The following MPZL1 variants were observed in gnomAD, a reference collection of about 807,000 sequenced individuals.
MPZL1 encodes the protein myelin protein zero like 1.
In MPZL1, 16 loss-of-function variants were observed where a neutral mutation model predicts 29.3. The observed-to-expected ratio is 0.55, with a 90% CI of 0.37 to 0.83. The LOEUF (loss-of-function observed/expected upper bound fraction) is 0.83. Ranked by LOEUF, MPZL1 falls within the 40% of genes least tolerant of loss-of-function variation. The pLI is 0.00. For missense variants in MPZL1, 279 were observed against 332.9 expected (o/e 0.84, Z 1.26); for synonymous variants, 143 against 132.0 (o/e 1.08, Z -0.57).
chr1:167,736,282 TTGTC>T (rs1305840701), intron 1 of MPZL1, among the ~76,000 whole-genome samples: 2 of 152,226 alleles, frequency 1.3e-5, no homozygotes, highest in Non-Finnish European at 2.9e-5. Context: ...TCGTCCATTT[TTGTC>T]TGTTTGTTGA....
chr1:167,737,462 A>G (rs975613274), intron 1 of MPZL1, among the ~76,000 whole-genome samples: 2 of 152,346 alleles, frequency 1.3e-5, no homozygotes, highest in Middle Eastern at 3.4e-3. Context: ...GTGGTGTTCA[A>G]TAAGATCGTA....
chr1:167,754,219 G>A (rs868607322), intron 1 of MPZL1, among the ~76,000 whole-genome samples: 9 of 151,688 alleles, frequency 5.9e-5, no homozygotes, highest in Non-Finnish European at 1.0e-4. Context: ...GGCTGGTCTT[G>A]AACTCCTGAG....
At chr1:167,779,684 A>G (rs1057182894) in intron 5 of MPZL1, among the ~76,000 whole-genome samples, 17 of 152,292 alleles carry the variant, frequency 1.1e-4, no homozygotes, top group African/African-American at 3.6e-4. Context: ...AGTACAAAGG[A>G]TGGGGTGGAA....
chr1:167,786,648 C>T (rs1174808794), intron 5 of MPZL1, among the ~76,000 whole-genome samples: 1 of 152,190 alleles, frequency 6.6e-6, no homozygotes, highest in African/African-American at 2.4e-5. Flanking sequence ...GGGCCTGTCC[C>T]TTCTGTAGAT....
chr1:167,747,772 T>G (rs1383630180), intron 1 of MPZL1, among the ~76,000 whole-genome samples: 1 of 151,954 alleles, frequency 6.6e-6, no homozygotes, highest in Non-Finnish European at 1.5e-5. Flanking sequence ...ATAATTCACA[T>G]ACTGTGGAAT....
intron 5 of MPZL1, among the ~76,000 whole-genome samples, chr1:167,786,062 G>A (rs1661587091): frequency 6.6e-6 from 1 of 152,158 alleles, no homozygotes; most frequent in Non-Finnish European, 1.5e-5. Context: ...CAAAGTGCTG[G>A]GATTACAGGC....
chr1:167,770,520 T>A (rs1239847488), intron 2 of MPZL1, among the ~76,000 whole-genome samples: 1 of 152,252 alleles, frequency 6.6e-6, no homozygotes, highest in Non-Finnish European at 1.5e-5. Flanking sequence ...GTATCTTGTG[T>A]TATCTGGGCT....
At chr1:167,758,423 A>T (rs75657595) in intron 1 of MPZL1, among the ~76,000 whole-genome samples, 233 of 152,296 alleles carry the variant, frequency 1.5e-3, no homozygotes, top group African/African-American at 5.5e-3. Context: ...AGTAATTCAG[A>T]ATATTGAAAT....
At chr1:167,749,255 T>C (rs1198910893) in intron 1 of MPZL1, among the ~76,000 whole-genome samples, 1 of 152,222 alleles carries the variant, frequency 6.6e-6, no homozygotes, top group African/African-American at 2.4e-5. Context: ...TAAAATTTTG[T>C]TGTACCATCT....
chr1:167,777,611 A>G (rs1227761250), intron 5 of MPZL1, among the ~76,000 whole-genome samples: 2 of 152,166 alleles, frequency 1.3e-5, no homozygotes, highest in Non-Finnish European at 2.9e-5. Context: ...AGCACTTCAG[A>G]GATTTGGAGC....
intron 5 of MPZL1, among the ~76,000 whole-genome samples, chr1:167,780,085 C>T (rs1447147734): frequency 2.0e-5 from 3 of 152,152 alleles, no homozygotes; most frequent in African/African-American, 4.8e-5. Flanking sequence ...GAAAAATTGA[C>T]GTATTTACAA....
chr1:167,753,725 G>A (rs1660806455), intron 1 of MPZL1, among the ~76,000 whole-genome samples: 1 of 151,946 alleles, frequency 6.6e-6, no homozygotes. Context: ...CGCCTCCCAG[G>A]TTTAAGCGAT....
At chr1:167,739,282 C>CATATATACATATACATATACATATAT (rs1387652331) in intron 1 of MPZL1, among the ~76,000 whole-genome samples, 2 of 90,418 alleles carry the variant, frequency 2.2e-5, no homozygotes, top group African/African-American at 1.3e-4. Context: ...TACATATATA[C>CATATATACATATACATATACATATAT]ATATATATAT....
At position 167,772,453 on chromosome 1, in the gene MPZL1, A is replaced by G. The variant is rs754317947; in HGVS notation, c.437A>G (p.Gln146Arg). Reference sequence around the variant, plus strand: ...AAAAACCCTCCTGACATCGTTGTCCAGCCTGGACACATTAGGCTCTATGTC... The same window carrying G: ...AAAAACCCTCCTGACATCGTTGTCCGGCCTGGACACATTAGGCTCTATGTC... ...DVKNPPDIVVQPGHIRLYVVE... is the reference protein window; with the variant it reads ...DVKNPPDIVVRPGHIRLYVVE... The change falls in exon 3 of 6, where the codon CAG becomes CGG. Residue 146 changes from glutamine (Q) to arginine (R), a missense_variant. Gln to Arg is a conservative substitution (Grantham distance 43). Coordinates refer to ENST00000359523, the MANE Select transcript of MPZL1 (RefSeq NM_003953.6). 6.2e-7 allele frequency: 1 copy of G among 1,614,198 alleles called. No homozygotes were observed. Among genetic ancestry groups the G allele is most frequent in the Non-Finnish European group, 8.5e-7 (1 of 1,180,000 alleles).
At position 167,773,549 on chromosome 1, in the gene MPZL1, A is replaced by G. The variant is rs895588905; in HGVS notation, c.605+181A>G. On this transcript the variant is annotated intron_variant, in intron 4 of 5. Coordinates refer to ENST00000359523, the MANE Select transcript of MPZL1 (RefSeq NM_003953.6). ...GCAAGTGGAAATCAGTGGGCCTGCT[A>G]TTAAATGTGGAATATGATTCTAATC... 1.9e-5 allele frequency: 12 copies of G among 622,928 alleles called. No individual in the cohort carries two copies. In the African/African-American group the frequency reaches 2.1e-4, roughly 11 times the overall value. 38.6% of individuals were successfully genotyped at this position (622,928 alleles called of 1,614,324 possible).
chr1:167,725,687 A>G (rs1001834681), intron 1 of MPZL1, among the ~76,000 whole-genome samples: 16 of 152,144 alleles, frequency 1.1e-4, no homozygotes, highest in Middle Eastern at 6.8e-3. Flanking sequence ...GGGTTTCACT[A>G]TGTTGGCCAG....
At position 167,739,286 on chromosome 1, in the gene MPZL1, T is replaced by TATATATATATATAC. The variant is rs1558110583; in HGVS notation, c.91+17057_91+17058insCATATATATATATA. Reference sequence around the variant, plus strand: ...ACATACATATATACATATATACATATATATATATATATATATATATATACA... The same window carrying TATATATATATATAC: ...ACATACATATATACATATATACATATATATATATATATACATATATATATATATATATATATACA... On this transcript the variant is annotated intron_variant, in intron 1 of 5. Coordinates refer to ENST00000359523, the MANE Select transcript of MPZL1 (RefSeq NM_003953.6). Among the ~76,000 whole-genome samples, 283 of 108,060 alleles carry TATATATATATATAC rather than the reference T, an allele frequency of 2.6e-3. 7 individuals are homozygous for TATATATATATATAC. Among genetic ancestry groups the TATATATATATATAC allele is most frequent in the African/African-American group, 0.015 (267 of 18,020 alleles). The allele number at this position is 108,060 out of a possible 152,430, so 70.9% of individuals were successfully genotyped here. A position where few individuals can be genotyped will look rare whatever the true frequency, so the allele number is the denominator to read the frequency against.
rs990762068 is a variant in MPZL1, at chr1:167,722,163, C to T, written c.12C>T (p.Ser4=). Residue 4 remains serine, a synonymous_variant, in exon 1 of 6, where the codon TCC becomes TCT. Transcript: ENST00000359523. ...GCAGTGGCTGGACGATGGCAGCGTC[C>T]GCCGGAGCCGGGGCGGTGATTGCAG... MAA[S]AGAGAVIAAP... 3 of 1,235,926 alleles carry T rather than the reference C, an allele frequency of 2.4e-6. No homozygotes were observed. The highest frequency in any genetic ancestry group is 3.1e-5 in the African/African-American group (2 of 64,288). 76.6% of individuals were successfully genotyped at this position (1,235,926 alleles called of 1,614,324 possible). A position where few individuals can be genotyped will look rare whatever the true frequency, so the allele number is the denominator to read the frequency against.
At chr1:167,729,455 A>G (rs561663758) in intron 1 of MPZL1, among the ~76,000 whole-genome samples, 2 of 152,314 alleles carry the variant, frequency 1.3e-5, no homozygotes, top group Non-Finnish European at 2.9e-5. Context: ...CTTAGCTTCA[A>G]TGAGAACCTA....
Sources: allele counts gnomAD v4.1 joint callset (sites outside exome capture counted in the v4.1 genomes callset), GRCh38; gene constraint gnomAD v4.1.1; transcripts MANE v1.5; gene names NCBI Gene and HGNC (gene_info 2026-07-23, HGNC 2026-07-21).